NEK2: variants seen among roughly 807,000 people sequenced by gnomAD.
The protein encoded by NEK2 is NIMA related kinase 2, also known as serine/threonine-protein kinase Nek2.
Under a neutral mutation model 54.1 loss-of-function variants are expected in NEK2, and 28 were observed. The observed-to-expected ratio is 0.52, with a 90% confidence interval of 0.38 to 0.71. The LOEUF (loss-of-function observed/expected upper bound fraction) is 0.71. Ranked by LOEUF, NEK2 falls within the 30% of genes least tolerant of loss-of-function variation. The pLI, the probability that NEK2 is intolerant of heterozygous loss-of-function variation, is 0.00. For missense variants in NEK2, 407 were observed against 531.5 expected, an observed-to-expected ratio of 0.77 and a Z score of 2.30; for synonymous variants, 176 against 193.1, an observed-to-expected ratio of 0.91 and a Z score of 0.73.
At chr1:211,668,989 G>T in intron 6 of NEK2, 124 bp downstream of exon 6, 1 of 955,846 alleles carries the variant, frequency 1.0e-6, no homozygotes, top group Non-Finnish European at 1.6e-6. Context: ...GGTTTCTCAA[G>T]TATTTTTCAA....
chr1:211,669,120 T>C lies in NEK2; in HGVS notation c.978A>G (p.Arg326=). 1 of 1,613,838 alleles carries C rather than the reference T, an allele frequency of 6.2e-7. No homozygotes were observed. The highest frequency in any genetic ancestry group is 8.5e-7 in the Non-Finnish European group (1 of 1,179,830). The change falls in exon 6 of 8, where the codon AGA becomes AGG. Residue 326 remains arginine, a synonymous_variant. Coordinates refer to ENST00000366999, the MANE Select transcript of NEK2 (RefSeq NM_002497.4). ...ACCCCCATTCAGACTTACGCTCCAATCTTTCTTCTCTTGCTTTGAGAGCTC... is the reference window on the plus strand; with the variant it reads ...ACCCCCATTCAGACTTACGCTCCAACCTTTCTTCTCTTGCTTTGAGAGCTC... ...RERALKAREE[R]LEQKEQELCV... is the part of the protein sequence containing the mutation.
intron 1 of NEK2, among the ~76,000 whole-genome samples, chr1:211,674,988 G>T (rs764969348): frequency 2.6e-5 from 4 of 152,140 alleles, no homozygotes; most frequent in Non-Finnish European, 5.9e-5. Flanking sequence ...TCCTAATAAT[G>T]GATATTTTGA....
In NEK2 at chr1:211,675,362, G is replaced by A. The variant is rs749388774; in HGVS notation, c.96+22C>T. 5.0e-6 allele frequency: 8 copies of A among 1,607,622 alleles called. No individual in the cohort carries two copies. In the African/African-American group the frequency reaches 8.0e-5, roughly 16 times the overall value. On this transcript the variant is annotated intron_variant, in intron 1 of 7. Transcript: ENST00000366999. ...CGACGAAACCTAAGCAGGGGCAGGC[G>A]CAGGGTAGGTCCCACGCTCACCTTG...
rs1655064746 is a variant in NEK2, at chr1:211,663,223, TAAAAG to T, written c.*198_*202del. 1 of 1,347,250 alleles carries T rather than the reference TAAAAG, an allele frequency of 7.4e-7. No individual in the cohort carries two copies. Among genetic ancestry groups the T allele is most frequent in the South Asian group, 2.2e-5 (1 of 44,570 alleles). The allele number at this position is 1,347,250 out of a possible 1,614,324, so 83.5% of individuals were successfully genotyped here. Reference sequence around the variant, plus strand: ...AAGTATTCTTTTTATAATATGTTCTTAAAAGAAGAAAGAAAAATTAAATGTGAACA... The same window carrying T: ...AAGTATTCTTTTTATAATATGTTCTTAAGAAAGAAAAATTAAATGTGAACA... On this transcript the variant is annotated 3_prime_UTR_variant, in exon 8 of 8. Transcript: ENST00000366999.
intron 1 of NEK2, among the ~76,000 whole-genome samples, 174 bp from the exon 2 acceptor site, chr1:211,674,687 C>T (rs1043667170): frequency 1.3e-5 from 2 of 152,206 alleles, no homozygotes; most frequent in Non-Finnish European, 2.9e-5. Flanking sequence ...TAATCTTCCT[C>T]CAGTTCTAAG....
chr1:211,671,294 GA>G lies in NEK2; in HGVS notation c.556-11del. Reference sequence around the variant, plus strand: ...TGCGATTCATTTGTTCCTATACAGGGAAAAAGGGTAAGAAAGTGGAAGGTGT... The same window carrying G: ...TGCGATTCATTTGTTCCTATACAGGGAAAAGGGTAAGAAAGTGGAAGGTGT... On this transcript the variant is annotated splice_polypyrimidine_tract_variant and intron_variant, in intron 3 of 7. Coordinates refer to ENST00000366999, the MANE Select transcript of NEK2 (RefSeq NM_002497.4). 9 of 1,599,196 alleles carry G rather than the reference GA, an allele frequency of 5.6e-6. No individual in the cohort carries two copies. Among genetic ancestry groups the G allele is most frequent in the East Asian group, 2.2e-5 (1 of 44,742 alleles).
downstream of NEK2, chr1:211,658,811 A>G (rs1024261215): frequency 3.6e-6 from 1 of 281,238 alleles, no homozygotes; most frequent in Non-Finnish European, 7.1e-6. Flanking sequence ...CATGGTTGGT[A>G]AATGTGTGCA....
chr1:211,671,222 C>G lies in NEK2; in HGVS notation c.618G>C (p.Leu206=), dbSNP rs1655377715. Residue 206 remains leucine (L), a synonymous_variant, in exon 4 of 8, where the codon CTG becomes CTC. Coordinates refer to ENST00000366999, the MANE Select transcript of NEK2 (RefSeq NM_002497.4). ...KSDIWSLGCL[L]YELCALMPPF... is the part of the protein sequence containing the mutation. ...CTTACATTAATGCACATAACTCATA[C>G]AGCAAGCAGCCCAATGACCAGATAT... The G allele has an allele frequency of 1.2e-6, 2 of 1,612,974 alleles. No homozygotes were observed. The highest frequency in any genetic ancestry group is 8.5e-7 in the Non-Finnish European group (1 of 1,179,106).
chr1:211,670,528 T>A (rs1655340318), intron 4 of NEK2, 121 bp from the exon 5 acceptor site: 1 of 1,111,816 alleles, frequency 9.0e-7, no homozygotes, highest in Non-Finnish European at 1.3e-6. Context: ...AAGTTTCTAC[T>A]TCTGGGATTT....
chr1:211,660,798 A>G, downstream of NEK2: 1 of 699,984 alleles, frequency 1.4e-6, no homozygotes, highest in South Asian at 1.4e-5. Context: ...GGTTCAGGTA[A>G]TAGGGCTGCT....
At chr1:211,660,237 T>C (rs2102436412), downstream of NEK2, 1 of 334,182 alleles carries the variant, frequency 3.0e-6, no homozygotes, top group East Asian at 6.5e-5. Context: ...GAAAGATGGC[T>C]GGGAGCAGGG....
At chr1:211,673,851 G>C in intron 2 of NEK2, 128 bp from the exon 3 acceptor site, 1 of 983,888 alleles carries the variant, frequency 1.0e-6, no homozygotes, top group Non-Finnish European at 1.4e-6. Flanking sequence ...TTGAGACAGG[G>C]TCTTACTCTG....
chr1:211,674,324 T>G lies in NEK2; in HGVS notation c.286A>C (p.Ser96Arg). The G allele has an allele frequency of 6.2e-7, 1 of 1,613,260 alleles. No homozygotes were observed. The highest frequency in any genetic ancestry group is 8.5e-7 in the Non-Finnish European group (1 of 1,179,408). ...TCCTTGGTTCCCTTTGTAATTACAC[T>G]AGCCAGATCCCCTCCTTCACAATAT... ...MEYCEGGDLA[S>R]VITKGTKERQ... The change falls in exon 2 of 8, where the codon AGT becomes CGT. Residue 96 changes from serine to arginine, a missense_variant. Transcript: ENST00000366999.
At chr1:211,659,284 A>G (rs1654959638), downstream of NEK2, among the ~76,000 whole-genome samples, 2 of 152,216 alleles carry the variant, frequency 1.3e-5, no homozygotes, top group East Asian at 1.9e-4. Context: ...ATTATGGGCA[A>G]TTGCATGGAG....
chr1:211,658,749 GGAAAGA>G (rs1313701439), downstream of NEK2: 27 of 106,664 alleles, frequency 2.5e-4, no homozygotes, highest in African/African-American at 1.5e-3. Context: ...AAAAAAAAAA[GGAAAGA>G]AAAAAAAAGA....
intron 7 of NEK2, among the ~76,000 whole-genome samples, chr1:211,665,021 G>C (rs536148804): frequency 6.6e-6 from 1 of 152,280 alleles, no homozygotes; most frequent in South Asian, 2.1e-4. Flanking sequence ...AGTTTTATAA[G>C]AAAGAAAGTG....
intron 3 of NEK2, 21 bp downstream of exon 3, chr1:211,673,462 G>A (rs1434992259): frequency 1.2e-6 from 2 of 1,607,780 alleles, no homozygotes; most frequent in Non-Finnish European, 1.7e-6. Context: ...TTAAAAAGTA[G>A]CTAAATTCTG....
At chr1:211,659,159 T>C (rs1344348852), downstream of NEK2, among the ~76,000 whole-genome samples, 1 of 151,604 alleles carries the variant, frequency 6.6e-6, no homozygotes. Flanking sequence ...AGATGAATTA[T>C]ATAGCATAGC....
chr1:211,660,687 T>C, downstream of NEK2: 1 of 667,404 alleles, frequency 1.5e-6, no homozygotes, highest in Non-Finnish European at 2.8e-6. Flanking sequence ...ATTCTTTTCC[T>C]TGAATCTGCG....
Sources: allele counts gnomAD v4.1 joint callset (sites outside exome capture counted in the v4.1 genomes callset), GRCh38; gene constraint gnomAD v4.1.1; transcripts MANE v1.5; gene names NCBI Gene and HGNC (gene_info 2026-07-23, HGNC 2026-07-21).